The following SUZ12 variants were observed in gnomAD, a reference collection of about 807,000 sequenced individuals.
SUZ12 encodes the protein SUZ12 polycomb repressive complex 2 subunit, also known as polycomb protein SUZ12.
SUZ12 carries 17 observed loss-of-function variants against 87.3 expected under a neutral mutation model. The observed-to-expected ratio is 0.19, with a 90% CI of 0.13 to 0.29. The LOEUF is 0.29. SUZ12 is among the 10% of genes least tolerant of loss of function. The pLI, the probability that SUZ12 is intolerant of heterozygous loss-of-function variation, is 1.00. For missense variants in SUZ12, 526 were observed against 912.2 expected (o/e 0.58, Z 5.45); for synonymous variants, 253 against 312.4 (o/e 0.81, Z 2.01).
chr17:31,937,566 A>G, intron 1 of SUZ12, 46 bp downstream of exon 1: 1 of 1,527,616 alleles, frequency 6.5e-7, no homozygotes, highest in Non-Finnish European at 8.7e-7. Flanking sequence ...CACTCTGCCA[A>G]CACCGGGGAT....
intron 9 of SUZ12, among the ~76,000 whole-genome samples, 176 bp downstream of exon 9, chr17:31,983,280 T>TA (rs1311614788): frequency 6.7e-6 from 1 of 149,802 alleles, no homozygotes; most frequent in Non-Finnish European, 1.5e-5. Flanking sequence ...CATTCTTTTT[T>TA]TTTTTTTTTT....
chr17:31,952,070 A>T (rs1015965192), intron 4 of SUZ12, among the ~76,000 whole-genome samples: 2 of 151,526 alleles, frequency 1.3e-5, no homozygotes, highest in Non-Finnish European at 2.9e-5. Context: ...CACTGCGCCC[A>T]GCCTTCTTTT....
At chr17:31,939,058 C>T (rs1906113908) in intron 1 of SUZ12, among the ~76,000 whole-genome samples, 1 of 152,136 alleles carries the variant, frequency 6.6e-6, no homozygotes, top group Non-Finnish European at 1.5e-5. Context: ...TTTTCATCGA[C>T]TTAAGTCCTG....
chr17:31,994,367 CAAGCAA>C (rs1355746174), intron 12 of SUZ12, 191 bp from the exon 13 acceptor site: 13 of 469,004 alleles, frequency 2.8e-5, no homozygotes, highest in Non-Finnish European at 4.7e-5. Flanking sequence ...ACAAAGTCAC[CAAGCAA>C]TAAATGACAT....
rs1440225450 is a variant in SUZ12 at position 31,937,465 on chromosome 17, G to A, written c.219G>A (p.Lys73=). The A allele has an allele frequency of 5.2e-6, 8 of 1,541,188 alleles. No homozygotes were observed. Among genetic ancestry groups the A allele is most frequent in the African/African-American group, 1.4e-5 (1 of 72,430 alleles). Residue 73 remains lysine (K), a synonymous_variant, in exon 1 of 16, where the codon AAG becomes AAA. Coordinates refer to ENST00000322652, the MANE Select transcript of SUZ12 (RefSeq NM_015355.4). Reference sequence around the variant, plus strand: ...GGGCTGCGGTGTTACCGGTGAAGAAGCCGAAAATGGAGCACGTCCAGGCTG... The same window carrying A: ...GGGCTGCGGTGTTACCGGTGAAGAAACCGAAAATGGAGCACGTCCAGGCTG... The part of the protein sequence containing the change: ...AAGAAVLPVK[K]PKMEHVQADH...
chr17:31,940,044 A>G (rs1008335212), intron 1 of SUZ12, among the ~76,000 whole-genome samples: 5 of 152,218 alleles, frequency 3.3e-5, no homozygotes, highest in African/African-American at 9.6e-5. Context: ...GGCTTAAGAA[A>G]AATATTGTAG....
intron 4 of SUZ12, among the ~76,000 whole-genome samples, chr17:31,951,679 T>C (rs1165251215): frequency 1.3e-5 from 2 of 151,876 alleles, no homozygotes; most frequent in Non-Finnish European, 2.9e-5. Context: ...GGTTTCACCA[T>C]GTTAGCCAGG....
intron 10 of SUZ12, among the ~76,000 whole-genome samples, chr17:31,991,558 TGAAAG>T (rs1219047531): frequency 6.6e-6 from 1 of 152,102 alleles, no homozygotes; most frequent in Non-Finnish European, 1.5e-5. Context: ...TTCTTATATC[TGAAAG>T]GAAATATACC....
chr17:31,995,888 T>G (rs1598191383), intron 14 of SUZ12, 126 bp downstream of exon 14: 1 of 757,686 alleles, frequency 1.3e-6, no homozygotes, highest in Admixed American at 3.0e-5. Flanking sequence ...AATCCGGAAA[T>G]GTACAGGTTT....
At chr17:31,953,935 A>G (rs62062425) in intron 4 of SUZ12, among the ~76,000 whole-genome samples, 1 of 150,672 alleles carries the variant, frequency 6.6e-6, no homozygotes, top group Admixed American at 6.6e-5. Context: ...GATGGTCTTG[A>G]TCTCCTGACC....
In SUZ12 at chr17:31,937,019, G is replaced by A. The variant is rs1286415649; in HGVS notation, c.-228G>A. 16 of 407,232 alleles carry A rather than the reference G, an allele frequency of 3.9e-5. No homozygotes were observed. Among genetic ancestry groups the A allele is most frequent in the African/African-American group, 6.2e-5 (3 of 48,264 alleles). The allele number at this position is 407,232 out of a possible 1,614,324, so 25.2% of individuals were successfully genotyped here. Reference sequence around the variant, plus strand: ...GGGGGAAGTGGGCGGAGCGAGGCCAGGGTAGGGTGAGCGGCCTCCGAAGCG... The same window carrying A: ...GGGGGAAGTGGGCGGAGCGAGGCCAAGGTAGGGTGAGCGGCCTCCGAAGCG... On this transcript the variant is annotated 5_prime_UTR_variant, in exon 1 of 16. Transcript: ENST00000322652.
chr17:31,984,277 G>T (rs1481885066), intron 9 of SUZ12, among the ~76,000 whole-genome samples: 1 of 152,202 alleles, frequency 6.6e-6, no homozygotes, highest in African/African-American at 2.4e-5. Context: ...CATGATAAAG[G>T]TGGTGGTATA....
At position 31,956,559 on chromosome 17, in the gene SUZ12, A is replaced by G. The variant is rs544885739; in HGVS notation, c.455+8874A>G. On this transcript the variant is annotated intron_variant, in intron 4 of 15. Coordinates refer to ENST00000322652, the MANE Select transcript of SUZ12 (RefSeq NM_015355.4). Reference sequence around the variant, plus strand: ...TTCTAACATTAGACCAGTAGTACATATGATGGTTAGGATTGTAATCTGAGT... The same window carrying G: ...TTCTAACATTAGACCAGTAGTACATGTGATGGTTAGGATTGTAATCTGAGT... Among the ~76,000 whole-genome samples the G allele has an allele frequency of 9.2e-5, 14 of 152,224 alleles. No individual in the cohort carries two copies. The East Asian group carries it at 1.7e-3, about 19-fold the overall frequency.
chr17:31,956,878 G>A (rs1394230879), intron 4 of SUZ12, among the ~76,000 whole-genome samples: 3 of 151,784 alleles, frequency 2.0e-5, no homozygotes, highest in Non-Finnish European at 4.4e-5. Context: ...CAGGTTCAGG[G>A]GATTCTCATG....
intron 6 of SUZ12, among the ~76,000 whole-genome samples, chr17:31,974,476 G>A (rs1347164144): frequency 1.3e-5 from 2 of 152,134 alleles, no homozygotes; most frequent in African/African-American, 2.4e-5. Flanking sequence ...GCAGCGAGCC[G>A]AGATCGCACA....
chr17:31,996,630 ATAAAT>A (rs58793484), intron 14 of SUZ12, among the ~76,000 whole-genome samples, 163 bp from the exon 15 acceptor site: 2 of 152,150 alleles, frequency 1.3e-5, no homozygotes, highest in East Asian at 3.9e-4. Flanking sequence ...AACTAAATAA[ATAAAT>A]TAAATTAAAT....
intron 5 of SUZ12, among the ~76,000 whole-genome samples, chr17:31,969,500 T>G (rs1419767166): frequency 2.6e-5 from 4 of 151,872 alleles, no homozygotes; most frequent in African/African-American, 9.7e-5. Context: ...TCACCATGTT[T>G]GCCAGTCTGG....
chr17:32,000,192 A>T lies in SUZ12; in HGVS notation c.*1189A>T, dbSNP rs1438836762. 3 of 233,208 alleles carry T rather than the reference A, an allele frequency of 1.3e-5. No individual in the cohort carries two copies. Among genetic ancestry groups the T allele is most frequent in the African/African-American group, 2.2e-5 (1 of 45,332 alleles). 14.4% of individuals were successfully genotyped at this position (233,208 alleles called of 1,614,324 possible). ...TCAATTTTTTATTATCCTTAAAGATATTGCATTTTCATATTCTTTATTTAT... is the reference window on the plus strand; with the variant it reads ...TCAATTTTTTATTATCCTTAAAGATTTTGCATTTTCATATTCTTTATTTAT... On this transcript the variant is annotated 3_prime_UTR_variant, in exon 16 of 16. Coordinates refer to ENST00000322652, the MANE Select transcript of SUZ12 (RefSeq NM_015355.4).
At chr17:31,970,378 A>T (rs1908352116) in intron 5 of SUZ12, among the ~76,000 whole-genome samples, 2 of 152,196 alleles carry the variant, frequency 1.3e-5, no homozygotes, top group Non-Finnish European at 2.9e-5. Context: ...CTGTAATCCC[A>T]GCACTTTGGG....
Sources: allele counts gnomAD v4.1 joint callset (sites outside exome capture counted in the v4.1 genomes callset), GRCh38; gene constraint gnomAD v4.1.1; transcripts MANE v1.5; gene names NCBI Gene and HGNC (gene_info 2026-07-23, HGNC 2026-07-21).